SUZ12: variants seen among roughly 807,000 people sequenced by gnomAD.
The protein encoded by SUZ12 is SUZ12 polycomb repressive complex 2 subunit, also known as polycomb protein SUZ12.
Under a neutral mutation model 87.3 loss-of-function variants are expected in SUZ12, and 17 were observed. The observed-to-expected ratio is 0.19, with a 90% CI of 0.13 to 0.29. SUZ12 has a LOEUF of 0.29. SUZ12 is among the 10% of genes least tolerant of loss of function. The pLI is 1.00. For missense variants in SUZ12, 526 were observed against 912.2 expected (o/e 0.58, Z 5.45); for synonymous variants, 253 against 312.4 (o/e 0.81, Z 2.01).
intron 3 of SUZ12, among the ~76,000 whole-genome samples, chr17:31,944,234 T>G (rs1244460750): frequency 3.3e-5 from 5 of 151,568 alleles, no homozygotes; most frequent in African/African-American, 1.2e-4. Flanking sequence ...GTTCAAGTGA[T>G]TCTCCTGCCT....
intron 1 of SUZ12, among the ~76,000 whole-genome samples, chr17:31,938,146 A>G (rs147595896): frequency 1.4e-3 from 210 of 152,266 alleles, no homozygotes; most frequent in African/African-American, 4.7e-3. Context: ...TGGCTTACAG[A>G]ACATTTTCTT....
intron 4 of SUZ12, among the ~76,000 whole-genome samples, chr17:31,961,498 C>T (rs530834726): frequency 3.3e-5 from 5 of 152,138 alleles, no homozygotes; most frequent in East Asian, 1.9e-4. Flanking sequence ...GAGCTGAGAT[C>T]GCACCACTGC....
intron 5 of SUZ12, among the ~76,000 whole-genome samples, chr17:31,971,844 G>A (rs940546234): frequency 5.9e-5 from 9 of 152,172 alleles, no homozygotes; most frequent in African/African-American, 2.2e-4. Flanking sequence ...AGCCGGCCCA[G>A]TTGCATGTGC....
intron 5 of SUZ12, among the ~76,000 whole-genome samples, chr17:31,968,383 A>T (rs959456030): frequency 1.3e-5 from 2 of 151,922 alleles, no homozygotes; most frequent in African/African-American, 4.8e-5. Flanking sequence ...CGTTCCCACC[A>T]TGCCTGGCTA....
intron 3 of SUZ12, among the ~76,000 whole-genome samples, chr17:31,943,855 A>C (rs2449801): frequency 6.6e-6 from 1 of 151,280 alleles, no homozygotes; most frequent in Non-Finnish European, 1.5e-5. Context: ...GTGGCACTAC[A>C]CCCAGCTAAT....
intron 8 of SUZ12, among the ~76,000 whole-genome samples, chr17:31,979,127 AATTCAAAACGATAGGAAAGTTGAAAG>A (rs1908944461): frequency 8.1e-6 from 1 of 123,044 alleles, no homozygotes. Context: ...AAAAAAAAAG[AATTCAAAACGATAGGAAAGTTGAAAG>A]AATACTAAAG....
At chr17:31,964,819 A>G (rs1254975544) in intron 4 of SUZ12, among the ~76,000 whole-genome samples, 2 of 151,990 alleles carry the variant, frequency 1.3e-5, no homozygotes, top group African/African-American at 4.8e-5. Flanking sequence ...TCTCTATCTT[A>G]GAAAAAGAGG....
chr17:31,948,021 T>G (rs1313388955), intron 4 of SUZ12, among the ~76,000 whole-genome samples: 1 of 152,168 alleles, frequency 6.6e-6, no homozygotes, highest in Non-Finnish European at 1.5e-5. Flanking sequence ...TTATAGTATA[T>G]GTGCTAGGTA....
chr17:31,938,019 C>T (rs1176598705), intron 1 of SUZ12, among the ~76,000 whole-genome samples: 2 of 150,056 alleles, frequency 1.3e-5, no homozygotes, highest in African/African-American at 4.9e-5. Flanking sequence ...CCTATGGCAC[C>T]TTTGGATGCT....
chr17:31,961,759 C>G (rs776656013), intron 4 of SUZ12, among the ~76,000 whole-genome samples: 2 of 152,154 alleles, frequency 1.3e-5, no homozygotes, highest in Non-Finnish European at 2.9e-5. Flanking sequence ...TTAAGTAACA[C>G]TGATTTAAAA....
In SUZ12 at chr17:32,000,121, T is replaced by C. The variant is rs1910183641; in HGVS notation, c.*1118T>C. ...CTACTGGCACATTAACAAGCACCAA[T>C]AGGTTTTTATTCCAACTCCGAGCAC... On this transcript the variant is annotated 3_prime_UTR_variant, in exon 16 of 16. Coordinates refer to ENST00000322652, the MANE Select transcript of SUZ12 (RefSeq NM_015355.4). 4.3e-6 allele frequency: 1 copy of C among 233,214 alleles called. No individual in the cohort carries two copies. The highest frequency in any genetic ancestry group is 8.5e-6 in the Non-Finnish European group (1 of 117,892). The allele number at this position is 233,214 out of a possible 1,614,324, so 14.4% of individuals were successfully genotyped here.
chr17:31,970,763 T>C (rs1908377768), intron 5 of SUZ12, among the ~76,000 whole-genome samples: 1 of 151,740 alleles, frequency 6.6e-6, no homozygotes, highest in Admixed American at 6.6e-5. Flanking sequence ...GAACATTCCA[T>C]TGCACTCTAG....
chr17:31,953,281 T>C (rs1211466596), intron 4 of SUZ12, among the ~76,000 whole-genome samples: 2 of 152,050 alleles, frequency 1.3e-5, no homozygotes, highest in African/African-American at 4.8e-5. Flanking sequence ...AATTTTTGTT[T>C]TTTGTTTTCC....
intron 3 of SUZ12, among the ~76,000 whole-genome samples, chr17:31,944,636 T>A (rs762936311): frequency 2.2e-4 from 34 of 152,092 alleles, no homozygotes; most frequent in Non-Finnish European, 4.4e-4. Context: ...AGAAGCAAAT[T>A]TAAGTCCCAC....
intron 3 of SUZ12, among the ~76,000 whole-genome samples, chr17:31,941,087 C>A (rs768843304): frequency 6.6e-6 from 1 of 151,494 alleles, no homozygotes; most frequent in African/African-American, 2.4e-5. Context: ...TACTCTGTGC[C>A]ATGGGTTATT....
intron 5 of SUZ12, among the ~76,000 whole-genome samples, chr17:31,972,210 G>A (rs999900840): frequency 1.4e-4 from 22 of 151,966 alleles, no homozygotes; most frequent in East Asian, 1.2e-3. Context: ...ACTTTAACCC[G>A]GGAGGCAGAA....
chr17:31,965,896 G>C (rs2142161516), intron 4 of SUZ12: 1 of 323,062 alleles, frequency 3.1e-6, no homozygotes, highest in African/African-American at 2.1e-5. Flanking sequence ...TGGTGTTTTT[G>C]TGGTTTTGTT....
intron 5 of SUZ12, among the ~76,000 whole-genome samples, chr17:31,970,803 CAA>C (rs56038616): frequency 2.2e-5 from 3 of 138,032 alleles, no homozygotes; most frequent in Non-Finnish European, 3.1e-5. Flanking sequence ...CTCTCTCTCT[CAA>C]AAAAAAAAAA....
chr17:31,966,878 T>C (rs987480006), intron 5 of SUZ12: 1 of 152,026 alleles, frequency 6.6e-6, no homozygotes, highest in Non-Finnish European at 1.5e-5. Context: ...AGAATTAGAG[T>C]TGTTTTAAAA....
Sources: gnomAD v4.1 joint callset for allele counts (sites outside exome capture counted in the v4.1 genomes callset) on GRCh38, gnomAD v4.1.1 for gene constraint, MANE v1.5 for transcripts, NCBI Gene and HGNC (gene_info 2026-07-23, HGNC 2026-07-21) for gene names.